Variants in EPB41 observed in about 807,000 individuals in gnomAD.
The protein encoded by EPB41 is protein 4.1.
In EPB41, 65 loss-of-function variants were observed where a neutral mutation model predicts 108.0. The ratio of observed to expected loss-of-function variants is 0.60; its 90% CI spans 0.49 to 0.74. The LOEUF is 0.74. Among genes scored for constraint, EPB41 ranks in the 30% least tolerant of loss-of-function variants. The pLI, the probability that EPB41 is intolerant of heterozygous loss-of-function variation, is 0.00. For missense variants in EPB41, 875 were observed against 1,037.0 expected (o/e 0.84, Z 2.15); for synonymous variants, 336 against 358.9 (o/e 0.94, Z 0.72).
In EPB41 at chr1:28,987,668, A is replaced by G; in HGVS notation, c.231A>G (p.Arg77=). ...ACAAGGAGCGGACATCAGAAAGCAG[A>G]GGACTTTCACGACTATTCTCCTCGT... The part of the protein sequence containing the change: ...TKNKERTSES[R]GLSRLFSSFL... The change falls in exon 2 of 21, where the codon AGA becomes AGG. Residue 77 remains arginine, a synonymous_variant. Transcript: ENST00000343067. 1.2e-6 allele frequency: 2 copies of G among 1,614,248 alleles called. No homozygotes were observed. Among genetic ancestry groups the G allele is most frequent in the African/African-American group, 1.3e-5 (1 of 75,056 alleles).
chr1:28,955,914 T>C (rs962101641), intron 1 of EPB41, among the ~76,000 whole-genome samples: 1 of 152,230 alleles, frequency 6.6e-6, no homozygotes, highest in South Asian at 2.1e-4. Flanking sequence ...TTAACTGTTA[T>C]ATAATAAACA....
intron 7 of EPB41, among the ~76,000 whole-genome samples, chr1:29,028,081 C>G (rs971908682): frequency 1.3e-5 from 2 of 152,162 alleles, no homozygotes; most frequent in African/African-American, 4.8e-5. Context: ...GCCTCGGCCT[C>G]CCAAAGTGCT....
chr1:28,942,132 A>G (rs1272178950), intron 1 of EPB41, among the ~76,000 whole-genome samples: 4 of 152,206 alleles, frequency 2.6e-5, no homozygotes, highest in African/African-American at 7.2e-5. Context: ...CTATTTTCAC[A>G]TAGTCATCAC....
At chr1:28,948,861 A>G (rs1224138064) in intron 1 of EPB41, among the ~76,000 whole-genome samples, 3 of 152,140 alleles carry the variant, frequency 2.0e-5, no homozygotes, top group South Asian at 4.2e-4. Context: ...AGGCAGAAGA[A>G]TCGCTTGAAC....
In EPB41 at chr1:28,973,330, G is replaced by A. The variant is rs114859706; in HGVS notation, c.-7-14101G>A. On this transcript the variant is annotated intron_variant, in intron 1 of 20. Transcript: ENST00000343067. ...TGTCCTTGGGGATATTGGGGGTGGG[G>A]GAGAAATAATATAGCCTTTAAAAAA... Among the ~76,000 whole-genome samples, 298 of 152,094 alleles carry A rather than the reference G, an allele frequency of 2.0e-3. 1 individual carries two copies. The highest frequency in any genetic ancestry group is 6.4e-3 in the African/African-American group (265 of 41,476).
At chr1:28,974,944 G>A (rs756147440) in intron 1 of EPB41, among the ~76,000 whole-genome samples, 3 of 151,956 alleles carry the variant, frequency 2.0e-5, no homozygotes, top group African/African-American at 4.8e-5. Flanking sequence ...ACAGGCATGC[G>A]CCACCACCCC....
intron 1 of EPB41, among the ~76,000 whole-genome samples, chr1:28,940,067 T>C (rs1186066022): frequency 6.6e-6 from 1 of 152,180 alleles, no homozygotes; most frequent in Non-Finnish European, 1.5e-5. Context: ...ATCTGGGGGC[T>C]GGCTTGAGAA....
In EPB41 at chr1:29,059,642, G is replaced by C. The variant is rs188101546; in HGVS notation, c.1945-780G>C. Among the ~76,000 whole-genome samples the C allele has an allele frequency of 2.0e-5, 3 of 151,576 alleles. No homozygotes were observed. The East Asian group carries it at 5.9e-4, about 30-fold the overall frequency. On this transcript the variant is annotated intron_variant, in intron 14 of 20. Coordinates refer to ENST00000343067, the MANE Select transcript of EPB41 (RefSeq NM_001376013.1). Reference sequence around the variant, plus strand: ...AATAAAAATAAATTAGCCAGGCATGGTGATACACTCCTGTGGTCCCAGCTG... The same window carrying C: ...AATAAAAATAAATTAGCCAGGCATGCTGATACACTCCTGTGGTCCCAGCTG...
chr1:29,052,707 C>T (rs1305558468), intron 11 of EPB41, among the ~76,000 whole-genome samples: 1 of 152,100 alleles, frequency 6.6e-6, no homozygotes, highest in Non-Finnish European at 1.5e-5. Flanking sequence ...AAAATGAACA[C>T]ATCTTTATTT....
chr1:28,967,763 A>G lies in EPB41; in HGVS notation c.-7-19668A>G, dbSNP rs187720891. Among the ~76,000 whole-genome samples, 556 of 145,398 alleles carry G rather than the reference A, an allele frequency of 3.8e-3. 5 individuals are homozygous for G. Among genetic ancestry groups the G allele is most frequent in the African/African-American group, 0.013 (514 of 38,906 alleles). Reference sequence around the variant, plus strand: ...TGGGATTACAGGTGTGAGCCACTGAACCCAGCCTTTTTTTTCTTTTAAGCT... The same window carrying G: ...TGGGATTACAGGTGTGAGCCACTGAGCCCAGCCTTTTTTTTCTTTTAAGCT... On this transcript the variant is annotated intron_variant, in intron 1 of 20. Coordinates refer to ENST00000343067, the MANE Select transcript of EPB41 (RefSeq NM_001376013.1).
chr1:28,919,462 T>G (rs1048439177), intron 1 of EPB41, among the ~76,000 whole-genome samples: 2 of 152,020 alleles, frequency 1.3e-5, no homozygotes, highest in Non-Finnish European at 2.9e-5. Flanking sequence ...TTAAAAGTCC[T>G]TTCTTTCTTT....
At chr1:28,920,136 A>G (rs1044980354) in intron 1 of EPB41, among the ~76,000 whole-genome samples, 6 of 152,224 alleles carry the variant, frequency 3.9e-5, no homozygotes, top group African/African-American at 1.2e-4. Flanking sequence ...GGAATGGATA[A>G]GAAATATGAC....
intron 4 of EPB41, among the ~76,000 whole-genome samples, chr1:28,999,871 C>G (rs1349361675): frequency 6.6e-6 from 1 of 152,094 alleles, no homozygotes; most frequent in Non-Finnish European, 1.5e-5. Flanking sequence ...GCAGTCTCTG[C>G]TTTCCGGGCT....
At chr1:28,914,218 G>C (rs114494817), upstream of EPB41, among the ~76,000 whole-genome samples, 1 of 152,330 alleles carries the variant, frequency 6.6e-6, no homozygotes, top group Non-Finnish European at 1.5e-5. Flanking sequence ...AAGGAGGAAA[G>C]GGCCTCACCG....
intron 16 of EPB41, among the ~76,000 whole-genome samples, chr1:29,092,036 C>T (rs1359295185): frequency 6.6e-6 from 1 of 151,342 alleles, no homozygotes; most frequent in African/African-American, 2.4e-5. Context: ...TTGAGTACTA[C>T]AGTGTGTAAG....
chr1:28,975,661 T>C (rs1406175866), intron 1 of EPB41, among the ~76,000 whole-genome samples: 1 of 151,972 alleles, frequency 6.6e-6, no homozygotes, highest in African/African-American at 2.4e-5. Context: ...ACGTACACTC[T>C]GGAAAGAGTA....
intron 1 of EPB41, among the ~76,000 whole-genome samples, chr1:28,935,765 A>C (rs929163270): frequency 4.6e-5 from 7 of 151,764 alleles, no homozygotes; most frequent in African/African-American, 1.7e-4. Context: ...CTAAAAATAC[A>C]AAAATTAGCT....
At chr1:28,975,421 T>C (rs2149356816) in intron 1 of EPB41, among the ~76,000 whole-genome samples, 1 of 152,304 alleles carries the variant, frequency 6.6e-6, no homozygotes, top group Non-Finnish European at 1.5e-5. Flanking sequence ...CTGCTCAGTA[T>C]TGATTTCAGC....
At position 29,015,785 on chromosome 1, in the gene EPB41, A is replaced by C; in HGVS notation, c.905+18A>C. Reference sequence around the variant, plus strand: ...ATAACAAGGTAAATAAGTAATAGTTAAATATGTAATTTATCATATAATAAT... The same window carrying C: ...ATAACAAGGTAAATAAGTAATAGTTCAATATGTAATTTATCATATAATAAT... On this transcript the variant is annotated intron_variant, in intron 6 of 20. Transcript: ENST00000343067. The C allele has an allele frequency of 6.8e-7, 1 of 1,474,612 alleles. No homozygotes were observed. Among genetic ancestry groups the C allele is most frequent in the African/African-American group, 1.4e-5 (1 of 72,178 alleles). 91.3% of individuals were successfully genotyped at this position (1,474,612 alleles called of 1,614,324 possible).
Sources: allele counts gnomAD v4.1 joint callset (sites outside exome capture counted in the v4.1 genomes callset), GRCh38; gene constraint gnomAD v4.1.1; transcripts MANE v1.5; gene names NCBI Gene and HGNC (gene_info 2026-07-23, HGNC 2026-07-21).